NRG1: variants seen among roughly 807,000 people sequenced by gnomAD.
NRG1 encodes the protein pro-neuregulin-1, membrane-bound isoform.
In NRG1, 18 loss-of-function variants were observed where a neutral mutation model predicts 63.8. That is an observed-to-expected ratio of 0.28 (90% CI 0.19 to 0.42). NRG1 has a LOEUF of 0.42. NRG1 is among the 10% of genes least tolerant of loss of function. The pLI is 1.00. For missense variants in NRG1, 762 were observed against 814.7 expected (o/e 0.94, Z 0.79); for synonymous variants, 302 against 301.3 (o/e 1.00, Z -0.02).
At chr8:32,757,223 G>A (rs984033205) in intron 9 of NRG1, among the ~76,000 whole-genome samples, 15 of 152,122 alleles carry the variant, frequency 9.9e-5, no homozygotes, top group African/African-American at 3.6e-4. Flanking sequence ...ATTAGGTTCT[G>A]GAGAGTTTGA....
At chr8:31,833,222 A>G (rs1825341251) in intron 1 of NRG1, among the ~76,000 whole-genome samples, 1 of 152,162 alleles carries the variant, frequency 6.6e-6, no homozygotes, top group South Asian at 2.1e-4. Flanking sequence ...GTTAACTTAA[A>G]ATCTCAGCTA....
In NRG1 at chr8:32,441,984, GA is replaced by G. The variant is rs543276509; in HGVS notation, c.38-153842del. Among the ~76,000 whole-genome samples the G allele has an allele frequency of 2.4e-4, 37 of 152,258 alleles. No individual in the cohort carries two copies. The East Asian group carries it at 6.7e-3, about 28-fold the overall frequency. On this transcript the variant is annotated intron_variant, in intron 1 of 10. Coordinates refer to the NRG1 transcript ENST00000519301. The stretch of plus-strand genomic sequence containing the variant: ...GCTCCTAGGTTAGTGCTTCATTTAT[GA>G]AGGTCAGTGCTTCATAAATGATAGT...
At chr8:32,335,413 G>A (rs1340836215) in intron 1 of NRG1, among the ~76,000 whole-genome samples, 1 of 152,200 alleles carries the variant, frequency 6.6e-6, no homozygotes, top group Admixed American at 6.5e-5. Context: ...CAGGTAGGCA[G>A]TGCTCCTCGA....
At chr8:31,996,001 C>T (rs914403848) in intron 1 of NRG1, among the ~76,000 whole-genome samples, 1 of 151,618 alleles carries the variant, frequency 6.6e-6, no homozygotes, top group Admixed American at 6.6e-5. Context: ...TTTCTCAGTG[C>T]TGTGAGCACC....
intron 1 of NRG1, among the ~76,000 whole-genome samples, chr8:32,366,701 A>G (rs1385121573): frequency 4.2e-5 from 2 of 47,692 alleles, no homozygotes; most frequent in East Asian, 2.9e-3. Context: ...ATATATATAT[A>G]TATATATATA....
intron 9 of NRG1, among the ~76,000 whole-genome samples, chr8:32,757,470 A>G (rs1829890554): frequency 1.3e-5 from 2 of 152,192 alleles, no homozygotes; most frequent in African/African-American, 2.4e-5. Context: ...CATAGACCCA[A>G]CTACAGAGTT....
intron 1 of NRG1, among the ~76,000 whole-genome samples, chr8:31,916,877 A>G (rs1370230967): frequency 6.6e-6 from 1 of 151,416 alleles, no homozygotes; most frequent in East Asian, 2.0e-4. Flanking sequence ...TTCTTTCCTG[A>G]CTTTTTAATG....
At chr8:31,769,296 T>C (rs1419851288) in intron 1 of NRG1, among the ~76,000 whole-genome samples, 1 of 152,212 alleles carries the variant, frequency 6.6e-6, no homozygotes, top group Non-Finnish European at 1.5e-5. Flanking sequence ...GTTGCCTATC[T>C]CATTGTCAGA....
At chr8:31,791,038 T>A (rs1193184931) in intron 1 of NRG1, among the ~76,000 whole-genome samples, 1 of 151,950 alleles carries the variant, frequency 6.6e-6, no homozygotes, top group African/African-American at 2.4e-5. Flanking sequence ...GGTGAAACCC[T>A]GTCCCTACTA....
chr8:32,698,155 G>A (rs549337762), intron 5 of NRG1, among the ~76,000 whole-genome samples: 4 of 151,250 alleles, frequency 2.6e-5, no homozygotes, highest in Admixed American at 6.6e-5. Context: ...GCAGTGAGCC[G>A]AGATTGCACC....
At chr8:31,958,044 C>T (rs893603665) in intron 1 of NRG1, among the ~76,000 whole-genome samples, 4 of 145,840 alleles carry the variant, frequency 2.7e-5, no homozygotes, top group African/African-American at 2.5e-5. Flanking sequence ...CAGTAGAGAC[C>T]AGATAGATAG....
chr8:32,580,744 G>A (rs1224842567), intron 1 of NRG1, among the ~76,000 whole-genome samples: 1 of 152,236 alleles, frequency 6.6e-6, no homozygotes, highest in East Asian at 1.9e-4. Flanking sequence ...GTAACATAGT[G>A]TAATGCAGTA....
chr8:32,126,978 G>A (rs1218200218), intron 1 of NRG1, among the ~76,000 whole-genome samples: 3 of 151,796 alleles, frequency 2.0e-5, no homozygotes, highest in African/African-American at 7.3e-5. Context: ...AGATCACCAA[G>A]AAGAAATGCC....
At chr8:32,475,758 G>A (rs950821948) in intron 1 of NRG1, among the ~76,000 whole-genome samples, 1 of 152,150 alleles carries the variant, frequency 6.6e-6, no homozygotes, top group Non-Finnish European at 1.5e-5. Flanking sequence ...GTGGCAGAGG[G>A]AAAAGAAGAT....
intron 1 of NRG1, among the ~76,000 whole-genome samples, chr8:31,979,518 ATCT>A (rs1425989080): frequency 3.9e-5 from 6 of 151,980 alleles, no homozygotes; most frequent in Non-Finnish European, 8.8e-5. Flanking sequence ...TAGCTGAACT[ATCT>A]TCTTCTTTCT....
At chr8:32,347,788 G>C (rs1047394297) in intron 1 of NRG1, among the ~76,000 whole-genome samples, 12 of 152,192 alleles carry the variant, frequency 7.9e-5, no homozygotes, top group Non-Finnish European at 1.5e-4. Context: ...TTCATGCTGT[G>C]AGGGTGATGA....
At chr8:32,319,444 G>A (rs1179280363) in intron 1 of NRG1, among the ~76,000 whole-genome samples, 1 of 152,200 alleles carries the variant, frequency 6.6e-6, no homozygotes, top group Non-Finnish European at 1.5e-5. Context: ...GCCTATTCAA[G>A]AGGAGAAGAA....
Position 32,257,738 on chromosome 8 carries a change from G to C in NRG1, c.38-338090G>C, listed in dbSNP as rs146441174. ...TGGCTATAACTTCATAAAAGGGGCA[G>C]GGCGACCCACTTCCTAAAAGACCAC... On this transcript the variant is annotated intron_variant, in intron 1 of 10. Transcript: ENST00000519301. Among the ~76,000 whole-genome samples, 383 of 152,226 alleles carry C rather than the reference G, an allele frequency of 2.5e-3. 5 individuals carry two copies. The highest frequency in any genetic ancestry group is 8.7e-3 in the African/African-American group (360 of 41,542).
intron 1 of NRG1, among the ~76,000 whole-genome samples, chr8:32,307,030 A>G (rs1044700770): frequency 6.6e-6 from 1 of 152,196 alleles, no homozygotes; most frequent in African/African-American, 2.4e-5. Context: ...AGATATCCTT[A>G]TGCTTTAGGG....
Sources: allele counts gnomAD v4.1 joint callset (sites outside exome capture counted in the v4.1 genomes callset), GRCh38; gene constraint gnomAD v4.1.1; transcripts MANE v1.5; gene names NCBI Gene and HGNC (gene_info 2026-07-23, HGNC 2026-07-21).